The following WDR4 variants were observed in gnomAD, a reference collection of about 807,000 sequenced individuals.
WDR4 encodes the protein WDR4 tRNA N7-guanosine methyltransferase non-catalytic subunit, also known as tRNA (guanine-N(7)-)-methyltransferase non-catalytic subunit WDR4.
In WDR4, 47 loss-of-function variants were observed where a neutral mutation model predicts 48.6. The observed-to-expected ratio is 0.97, with a 90% CI of 0.77 to 1.23. The LOEUF is 1.23. Ranked by LOEUF, WDR4 falls within the 50% of genes most tolerant of loss-of-function variation. The pLI, the probability that WDR4 is intolerant of heterozygous loss-of-function variation, is 0.00. For synonymous variants in WDR4, 268 were observed against 230.0 expected (o/e 1.17, Z -1.49); for missense variants, 606 against 551.6 (o/e 1.10, Z -0.99).
intron 5 of WDR4, among the ~76,000 whole-genome samples, chr21:42,860,906 T>A (rs567217618): frequency 6.6e-6 from 1 of 152,138 alleles, no homozygotes; most frequent in Non-Finnish European, 1.5e-5. Context: ...AACCAACTGA[T>A]ACTGCAATGT....
At chr21:42,856,197 G>T (rs71320565) in intron 6 of WDR4, among the ~76,000 whole-genome samples, 1 of 152,090 alleles carries the variant, frequency 6.6e-6, no homozygotes, top group Non-Finnish European at 1.5e-5. Context: ...GGGGAGACAC[G>T]TGTGGGCTCA....
intron 3 of WDR4, 21 bp from the exon 4 acceptor site, chr21:42,863,617 C>A: frequency 6.2e-7 from 1 of 1,605,608 alleles, no homozygotes; most frequent in South Asian, 1.1e-5. Context: ...AGAAAGACAC[C>A]CCCATTAGCT....
chr21:42,879,105 G>A, intron 1 of WDR4: 12 of 1,190,784 alleles, frequency 1.0e-5, no homozygotes, highest in South Asian at 3.1e-5. Flanking sequence ...CGCCGGCGCC[G>A]CGGAGACCGG....
chr21:42,859,739 G>C lies in WDR4; in HGVS notation c.567-17C>G. On this transcript the variant is annotated splice_polypyrimidine_tract_variant and intron_variant, in intron 5 of 10. Coordinates refer to ENST00000398208, the MANE Select transcript of WDR4 (RefSeq NM_018669.6). ...CTCACAAACCTGTGAGGGCGAGAGA[G>C]AGCGGCAGAGTCAGCGAGCCCAGCG... The C allele has an allele frequency of 6.4e-7, 1 of 1,554,474 alleles. No individual in the cohort carries two copies.
At chr21:42,866,815 A>T (rs1316811510) in intron 3 of WDR4, among the ~76,000 whole-genome samples, 2 of 152,170 alleles carry the variant, frequency 1.3e-5, no homozygotes, top group African/African-American at 4.8e-5. Context: ...TCACAAACCC[A>T]CAATTCTAAA....
intron 9 of WDR4, 119 bp from the exon 10 acceptor site, chr21:42,852,443 G>T: frequency 2.6e-6 from 3 of 1,157,262 alleles, no homozygotes. Flanking sequence ...TGGTGCCTGG[G>T]GACCCCCATT....
intron 10 of WDR4, among the ~76,000 whole-genome samples, chr21:42,850,887 C>T (rs2057807579): frequency 6.6e-6 from 1 of 152,238 alleles, no homozygotes; most frequent in South Asian, 2.1e-4. Flanking sequence ...CACACGGAGA[C>T]AGCCTCAGCC....
chr21:42,882,528 T>C (rs8130207), upstream of WDR4, among the ~76,000 whole-genome samples: 90,977 of 151,428 alleles, frequency 0.6, 28,075 homozygotes, highest in African/African-American at 0.71. Flanking sequence ...ACCCATTGCA[T>C]TCCAGCCTGG....
chr21:42,867,494 C>T (rs2058275295), intron 3 of WDR4, among the ~76,000 whole-genome samples: 1 of 152,032 alleles, frequency 6.6e-6, no homozygotes, highest in African/African-American at 2.4e-5. Context: ...CATCCCTCAT[C>T]CCAAATGCTC....
chr21:42,873,693 T>TGAGGAAGAGAG lies in WDR4; in HGVS notation c.156-13_156-3dup. 6.2e-7 allele frequency: 1 copy of TGAGGAAGAGAG among 1,612,682 alleles called. No individual in the cohort carries two copies. The highest frequency in any genetic ancestry group is 8.5e-7 in the Non-Finnish European group (1 of 1,179,240). On this transcript the variant is annotated splice_polypyrimidine_tract_variant and splice_region_variant and intron_variant, in intron 2 of 10. Coordinates refer to ENST00000398208, the MANE Select transcript of WDR4 (RefSeq NM_018669.6). ...CCCTGGTCCAAGGGCGCGTCCTCCC[T>TGAGGAAGAGAG]GAGGAAGAGAGGAGGAAGACGGTTA...
Position 42,863,479 on chromosome 21 carries a change from G to A in WDR4, c.414C>T (p.Gly138=), listed in dbSNP as rs768213703. The A allele has an allele frequency of 5.6e-6, 9 of 1,613,638 alleles. No individual in the cohort carries two copies. The highest frequency in any genetic ancestry group is 7.6e-6 in the Non-Finnish European group (9 of 1,179,832). The change falls in exon 4 of 11, where the codon GGC becomes GGT. Residue 138 remains glycine, a synonymous_variant. Transcript: ENST00000398208. ...SFSVLEPHGC[G]RLELGHLSML... ...TAGACAGGTGCCCCAGCTCTAGACG[G>A]CCACACCCGTGTGGCTCCAGCACCG... is the stretch of plus-strand genomic sequence containing the variant.
At chr21:42,881,437 A>G (rs1013879703), upstream of WDR4, among the ~76,000 whole-genome samples, 3 of 152,170 alleles carry the variant, frequency 2.0e-5, no homozygotes, top group South Asian at 2.1e-4. Context: ...ACTCTTTTCT[A>G]TAAGTGTCTC....
chr21:42,875,611 G>A (rs1174215207), intron 2 of WDR4, among the ~76,000 whole-genome samples: 2 of 152,154 alleles, frequency 1.3e-5, no homozygotes, highest in East Asian at 3.9e-4. Flanking sequence ...AGGGGGATGA[G>A]GCGGGAGATC....
Position 42,876,787 on chromosome 21 carries a change from A to C in WDR4, c.90-20T>G, listed in dbSNP as rs750771860. On this transcript the variant is annotated intron_variant, in intron 1 of 10. Coordinates refer to ENST00000398208, the MANE Select transcript of WDR4 (RefSeq NM_018669.6). ...TCATCACTAAAGAGAAATAACAATA[A>C]TTTTAAAAGGAGTTATCATTAGAGA... is the stretch of plus-strand genomic sequence containing the variant. 8.8e-6 allele frequency: 14 copies of C among 1,599,158 alleles called. No individual in the cohort carries two copies. The highest frequency in any genetic ancestry group is 1.8e-5 in the Admixed American group (1 of 56,054).
intron 5 of WDR4, among the ~76,000 whole-genome samples, chr21:42,860,918 A>G (rs1004385074): frequency 6.6e-6 from 1 of 152,194 alleles, no homozygotes; most frequent in Non-Finnish European, 1.5e-5. Context: ...CTGCAATGTC[A>G]GCAAAGGGCA....
rs757609425 is a variant in WDR4 at position 42,854,636 on chromosome 21, G to A, written c.727-10C>T. ...TGGACGCGGCAAACTTCTAAAAGGA[G>A]AAGAAGCCCATTAACTTCACGCCAC... On this transcript the variant is annotated splice_polypyrimidine_tract_variant and intron_variant, in intron 7 of 10. Transcript: ENST00000398208. 8 of 1,612,886 alleles carry A rather than the reference G, an allele frequency of 5.0e-6. No individual in the cohort carries two copies. Among genetic ancestry groups the A allele is most frequent in the Non-Finnish European group, 6.8e-6 (8 of 1,179,584 alleles).
intron 2 of WDR4, among the ~76,000 whole-genome samples, chr21:42,875,660 T>C (rs1340837617): frequency 6.6e-6 from 1 of 152,148 alleles, no homozygotes; most frequent in Non-Finnish European, 1.5e-5. Context: ...GGAGTTATGT[T>C]TGTGCAACTG....
downstream of WDR4, among the ~76,000 whole-genome samples, chr21:42,848,462 C>A (rs1189935392): frequency 9.7e-6 from 1 of 102,862 alleles, no homozygotes; most frequent in Non-Finnish European, 2.0e-5. Context: ...ACACAGCGCA[C>A]GATCACGCGG....
chr21:42,873,665 C>T lies in WDR4; in HGVS notation c.182G>A (p.Ser61Asn). 1 of 1,614,110 alleles carries T rather than the reference C, an allele frequency of 6.2e-7. No individual in the cohort carries two copies. Among genetic ancestry groups the T allele is most frequent in the Non-Finnish European group, 8.5e-7 (1 of 1,180,006 alleles). Residue 61 changes from serine to asparagine, a missense_variant, in exon 3 of 11, where the codon AGC becomes AAC. Physicochemically the swap from Ser to Asn is conservative, Grantham distance 46. Transcript: ENST00000398208. Reference sequence around the variant, plus strand: ...GAAGGTGGACGCCAGAATCGCACCGCTCCCCTGGTCCAAGGGCGCGTCCTC... The same window carrying T: ...GAAGGTGGACGCCAGAATCGCACCGTTCCCCTGGTCCAAGGGCGCGTCCTC... ...KGEDAPLDQG[S>N]GAILASTFSK...
Sources: gnomAD v4.1 joint callset for allele counts (sites outside exome capture counted in the v4.1 genomes callset) on GRCh38, gnomAD v4.1.1 for gene constraint, MANE v1.5 for transcripts, NCBI Gene and HGNC (gene_info 2026-07-23, HGNC 2026-07-21) for gene names.